Variants in PLXNB2 observed in about 807,000 individuals in gnomAD.
The protein encoded by PLXNB2 is plexin B2, also known as plexin-B2.
Under a neutral mutation model 202.6 loss-of-function variants are expected in PLXNB2, and 85 were observed. That is an observed-to-expected ratio of 0.42 (90% CI 0.35 to 0.50). The LOEUF (loss-of-function observed/expected upper bound fraction) is 0.50, where lower values mean the gene tolerates loss of function less well. Ranked by LOEUF, PLXNB2 falls within the 20% of genes least tolerant of loss-of-function variation. PLXNB2 has a pLI of 0.02. For synonymous variants in PLXNB2, 1,239 were observed against 1,137.6 expected (o/e 1.09, Z -1.79); for missense variants, 2,063 against 2,586.2 (o/e 0.80, Z 4.39).
chr22:50,284,192 T>C lies in PLXNB2; in HGVS notation c.2203A>G (p.Thr735Ala). 6.2e-7 allele frequency: 1 copy of C among 1,611,996 alleles called. No homozygotes were observed. ...TPKLSHDANE[T>A]LPLHLYVKSY... The stretch of plus-strand genomic sequence containing the variant: ...TTGACGTAGAGGTGCAGGGGCAGCG[T>C]CTCGTTGGCATCGTGGGACAGCTGG... The change falls in exon 13 of 37, where the codon ACG (threonine) becomes GCG (alanine). Residue 735 changes from threonine to alanine, a missense_variant. Thr to Ala is a moderately conservative substitution (Grantham distance 58, BLOSUM62 0). Coordinates refer to ENST00000359337, the MANE Select transcript of PLXNB2 (RefSeq NM_012401.4). The surrounding 1 kb of genome is among the most constrained non-coding windows in gnomAD (Gnocchi z 8.0).
chr22:50,277,683 C>T lies in PLXNB2; in HGVS notation c.5104G>A (p.Val1702Met), dbSNP rs2147322796. The change falls in exon 33 of 37, where the codon GTG becomes ATG. Residue 1702 changes from valine (V) to methionine (M), a missense_variant. Val to Met is a conservative substitution (Grantham distance 21). Transcript: ENST00000359337. ...ILKNPHFIFDVHVHEVVDASL... is the reference protein window; with the variant it reads ...ILKNPHFIFDMHVHEVVDASL... ...GCGTCCACCACCTCGTGGACATGCA[C>T]GTCAAAGATGAAGTGGGGGTTCTTG... is the stretch of plus-strand genomic sequence containing the variant. 3.1e-6 allele frequency: 5 copies of T among 1,608,554 alleles called. No homozygotes were observed. The highest frequency in any genetic ancestry group is 2.2e-5 in the East Asian group (1 of 44,764).
chr22:50,282,847 C>T lies in PLXNB2; in HGVS notation c.2851G>A (p.Gly951Ser). The stretch of plus-strand genomic sequence containing the variant: ...ATCTGGCCCCGTGTCGCCTGGGGGC[C>T]AGTGACACACTGGAGCTGCGCCCCA... The part of the protein sequence containing the change: ...KFGAQLQCVT[G>S]PQATRGQMLL... Residue 951 changes from glycine to serine, a missense_variant, in exon 18 of 37, where the codon GGC becomes AGC. This residue lies in a region of PLXNB2 where 1,303 missense variants were observed against 1,476.8 expected (regional missense o/e 0.88). Transcript: ENST00000359337. 1 of 1,612,450 alleles carries T rather than the reference C, an allele frequency of 6.2e-7. No homozygotes were observed. The highest frequency in any genetic ancestry group is 2.2e-5 in the East Asian group (1 of 44,852).
chr22:50,279,128 G>A, intron 27 of PLXNB2, 117 bp from the exon 28 acceptor site: 5 of 1,045,872 alleles, frequency 4.8e-6, no homozygotes, highest in Non-Finnish European at 4.1e-6. Flanking sequence ...TGGGCAGCAG[G>A]CCCCCGCCAG....
intron 1 of PLXNB2, chr22:50,300,464 A>G (rs2147701949): frequency 3.3e-6 from 1 of 305,936 alleles, no homozygotes; most frequent in Non-Finnish European, 4.8e-6. Flanking sequence ...AGCCTCCCGC[A>G]GGACTCCGGA....
rs1451127452 is a variant in PLXNB2, at chr22:50,287,757, C to T, written c.1518G>A (p.Glu506=). The change falls in exon 7 of 37, where the codon GAG becomes GAA. Residue 506 remains glutamate (E), a synonymous_variant. Transcript: ENST00000359337. ...TTCGGCTCCACAGCCAGTGGCTGGC[C>T]TCCTCGGCCCGCGGACACTCGGCCT... ...TRKAECPRAE[E]ASHWLWSRSK... 1.3e-6 allele frequency: 2 copies of T among 1,578,158 alleles called. No individual in the cohort carries two copies. Among genetic ancestry groups the T allele is most frequent in the Non-Finnish European group, 8.6e-7 (1 of 1,169,370 alleles).
In PLXNB2 at chr22:50,283,725, C is replaced by A; in HGVS notation, c.2447G>T (p.Gly816Val). The change falls in exon 15 of 37, where the codon GGT (glycine) becomes GTT (valine). Residue 816 changes from glycine to valine, a missense_variant. Coordinates refer to ENST00000359337, the MANE Select transcript of PLXNB2 (RefSeq NM_012401.4). ...TRIQPETGPL[G>V]GGIRITILGS... ...CAGGATGGTGATGCGGATGCCCCCA[C>A]CCAGGGGGCCCGTCTCAGGCTGGAT... 6.2e-7 allele frequency: 1 copy of A among 1,613,122 alleles called. No homozygotes were observed. The highest frequency in any genetic ancestry group is 1.1e-5 in the South Asian group (1 of 91,068).
chr22:50,289,961 G>C lies in PLXNB2; in HGVS notation c.624C>G (p.Ala208=). 1.2e-6 allele frequency: 2 copies of C among 1,613,310 alleles called. No homozygotes were observed. Among genetic ancestry groups the C allele is most frequent in the Non-Finnish European group, 1.7e-6 (2 of 1,180,030 alleles). Residue 208 remains alanine, a synonymous_variant, in exon 3 of 37, where the codon GCC becomes GCG. Coordinates refer to ENST00000359337, the MANE Select transcript of PLXNB2 (RefSeq NM_012401.4). This position sits in a 1 kb window ranked among gnomAD's most constrained non-coding sequence, Gnocchi z 8.0. ...EAYTDHATYK[A]GYLSTNTQQF... ...GCTGTGTGTTGGTGGACAGGTAGCC[G>C]GCCTTGTAGGTGGCGTGGTCCGTGT...
Position 50,275,816 on chromosome 22 carries a change from A to G in PLXNB2, c.5413-8T>C. ...CTCCAAGGCATTGATGATCTGAGGG[A>G]GGGTCGCATCAGAGCACACCGGGGG... On this transcript the variant is annotated splice_region_variant and splice_polypyrimidine_tract_variant and intron_variant, in intron 36 of 36. Coordinates refer to ENST00000359337, the MANE Select transcript of PLXNB2 (RefSeq NM_012401.4). 6.2e-7 allele frequency: 1 copy of G among 1,609,474 alleles called. No individual in the cohort carries two copies. Among genetic ancestry groups the G allele is most frequent in the Non-Finnish European group, 8.5e-7 (1 of 1,177,270 alleles).
At chr22:50,286,994 C>CCG in intron 8 of PLXNB2, 117 bp downstream of exon 8, 1 of 1,061,598 alleles carries the variant, frequency 9.4e-7, no homozygotes, top group Non-Finnish European at 1.3e-6. Context: ...CCCGGAGCAG[C>CCG]CGCGGAGTGT....
intron 14 of PLXNB2, 25 bp from the exon 15 acceptor site, chr22:50,283,775 A>G: frequency 4.3e-6 from 7 of 1,612,906 alleles, no homozygotes; most frequent in Non-Finnish European, 5.9e-6. Flanking sequence ...CCGGGTGAGC[A>G]GGGAGGGGCT....
chr22:50,299,901 G>A (rs1276088796), intron 1 of PLXNB2, among the ~76,000 whole-genome samples: 1 of 152,152 alleles, frequency 6.6e-6, no homozygotes, highest in Non-Finnish European at 1.5e-5. Context: ...GCCGACCCAG[G>A]TGGCACAGCC....
At chr22:50,279,590 A>C in intron 27 of PLXNB2, 40 bp downstream of exon 27, 1 of 1,604,204 alleles carries the variant, frequency 6.2e-7, no homozygotes, top group Non-Finnish European at 8.5e-7. Context: ...CTTAGCCCAG[A>C]TCCGAGGCGC....
intron 17 of PLXNB2, 80 bp downstream of exon 17, chr22:50,282,970 C>A: frequency 1.3e-6 from 2 of 1,563,280 alleles, no homozygotes; most frequent in South Asian, 2.4e-5. Flanking sequence ...CCCCTCAGGG[C>A]CACTCAGGTC....
chr22:50,290,736 C>T (rs2066810289), intron 2 of PLXNB2, 139 bp from the exon 3 acceptor site: 3 of 923,388 alleles, frequency 3.2e-6, no homozygotes, highest in Admixed American at 2.9e-5. Context: ...TGGAGCTCCG[C>T]CCCTTCCTGC....
intron 1 of PLXNB2, among the ~76,000 whole-genome samples, chr22:50,306,736 C>CT (rs2067898514): frequency 6.6e-6 from 1 of 151,266 alleles, no homozygotes; most frequent in African/African-American, 2.4e-5. Flanking sequence ...CCCTCACCCC[C>CT]TGTCCTGACT....
rs1353639624 is a variant in PLXNB2 at position 50,275,438 on chromosome 22, G to A, written c.*266C>T. 6.8e-6 allele frequency: 4 copies of A among 592,130 alleles called. No individual in the cohort carries two copies. Among genetic ancestry groups the A allele is most frequent in the South Asian group, 3.0e-5 (2 of 65,750 alleles). The allele number at this position is 592,130 out of a possible 1,614,324, so 36.7% of individuals were successfully genotyped here. On this transcript the variant is annotated 3_prime_UTR_variant, in exon 37 of 37. Coordinates refer to ENST00000359337, the MANE Select transcript of PLXNB2 (RefSeq NM_012401.4). ...CGTAAGGCACATTTTCAAATCACTG[G>A]AGACTCGACAGTGAACACCCGATGC... is the stretch of plus-strand genomic sequence containing the variant.
rs2066607867 is a variant in PLXNB2, at chr22:50,288,171, G to C, written c.1381-134C>G. 1 of 653,640 alleles carries C rather than the reference G, an allele frequency of 1.5e-6. No homozygotes were observed. Among genetic ancestry groups the C allele is most frequent in the Non-Finnish European group, 2.6e-6 (1 of 378,064 alleles). The allele number at this position is 653,640 out of a possible 1,614,324, so 40.5% of individuals were successfully genotyped here. A position where few individuals can be genotyped will look rare whatever the true frequency, so the allele number is the denominator to read the frequency against. ...CGGGAGCCTCAGACACCTCAGGCTT[G>C]ATATTAAACAGTTCTGGCTCTGGGT... On this transcript the variant is annotated intron_variant, in intron 5 of 36. Transcript: ENST00000359337. This position sits in a 1 kb window ranked among gnomAD's most constrained non-coding sequence, Gnocchi z 5.0.
chr22:50,306,681 C>CACCCT (rs2067893832), intron 1 of PLXNB2, among the ~76,000 whole-genome samples: 2 of 145,422 alleles, frequency 1.4e-5, no homozygotes, highest in Non-Finnish European at 3.0e-5. Flanking sequence ...GGTTTGGGGC[C>CACCCT]CACCCTCACC....
intron 1 of PLXNB2, among the ~76,000 whole-genome samples, chr22:50,302,724 C>G (rs904826507): frequency 7.9e-5 from 12 of 152,042 alleles, no homozygotes; most frequent in Non-Finnish European, 1.5e-4. Flanking sequence ...GTGGGGGGGG[C>G]CATGCTGGAG....
Sources: allele counts gnomAD v4.1 joint callset (sites outside exome capture counted in the v4.1 genomes callset), GRCh38; gene constraint gnomAD v4.1.1; regional missense constraint gnomAD v4.1.1; non-coding constraint Gnocchi (gnomAD v3.1); transcripts MANE v1.5; gene names NCBI Gene and HGNC (gene_info 2026-07-23, HGNC 2026-07-21).